The following MAGEB10 variants were observed in gnomAD, a reference collection of about 807,000 sequenced individuals.
MAGEB10 encodes MAGE family member B10.
For missense variants in MAGEB10, 190 were observed against 261.9 expected (o/e 0.73, Z 1.89); for synonymous variants, 99 against 101.0 (o/e 0.98, Z 0.12).
intron 1 of MAGEB10, among the ~76,000 whole-genome samples, chrX:27,815,150 C>T (rs1166223608): frequency 1.8e-5 from 2 of 111,726 alleles, no homozygotes; most frequent in African/African-American, 6.5e-5. Flanking sequence ...AGTCCTTGTG[C>T]CCAAATCTGG....
In MAGEB10 at chrX:27,822,346, A is replaced by G; in HGVS notation, c.1040A>G (p.Gln347Arg). Residue 347 changes from glutamine to arginine, a missense_variant, in exon 3 of 3, where the codon CAG becomes CGG. By Grantham distance (43) the Gln-to-Arg change is conservative. Transcript: ENST00000356790. Reference protein sequence around the residue: ...KVKSSKSSQLQ With the variant: ...KVKSSKSSQLR ...AAGTCCAGCAAGTCCTCCCAACTGCAGTAAAGTCTGAGGGAGATTCTTCAT... is the reference window on the plus strand; with the variant it reads ...AAGTCCAGCAAGTCCTCCCAACTGCGGTAAAGTCTGAGGGAGATTCTTCAT... 1 of 1,201,129 alleles carries G rather than the reference A, an allele frequency of 8.3e-7. No homozygotes were observed. Among genetic ancestry groups the G allele is most frequent in the African/African-American group, 1.7e-5 (1 of 57,547 alleles).
intron 2 of MAGEB10, among the ~76,000 whole-genome samples, chrX:27,820,028 T>C (rs1380987330): frequency 9.1e-6 from 1 of 109,504 alleles, no homozygotes; most frequent in Non-Finnish European, 1.9e-5. Context: ...AATTCCCTCT[T>C]TGGAAATTCA....
chrX:27,809,244 GC>G (rs1383319333), intron 1 of MAGEB10, among the ~76,000 whole-genome samples: 1 of 110,042 alleles, frequency 9.1e-6, no homozygotes, highest in East Asian at 3.0e-4. Context: ...CAGCTGGCAG[GC>G]CCCCCGGCCC....
intron 1 of MAGEB10, among the ~76,000 whole-genome samples, 153 bp downstream of exon 1, chrX:27,808,189 A>G (rs1223689934): frequency 8.9e-6 from 1 of 112,038 alleles, no homozygotes; most frequent in Non-Finnish European, 1.9e-5. Flanking sequence ...AGAGTCAGGG[A>G]AGTGATAGCA....
At chrX:27,811,194 A>T (rs77004668) in intron 1 of MAGEB10, among the ~76,000 whole-genome samples, 1 of 110,077 alleles carries the variant, frequency 9.1e-6, no homozygotes, top group Admixed American at 9.7e-5. Flanking sequence ...GGGAAGATAC[A>T]TCTGAGGCCT....
intron 1 of MAGEB10, among the ~76,000 whole-genome samples, chrX:27,808,341 A>T (rs1923586875): frequency 9.0e-6 from 1 of 111,569 alleles, no homozygotes; most frequent in South Asian, 3.8e-4. Flanking sequence ...CTAGAGGAGG[A>T]CTTAATATTA....
intron 1 of MAGEB10, chrX:27,811,824 A>C (rs1468325027): frequency 8.3e-6 from 1 of 120,791 alleles, no homozygotes; most frequent in Non-Finnish European, 1.9e-5. Context: ...TCTTTCCTTG[A>C]GGTCACTTCA....
intron 1 of MAGEB10, among the ~76,000 whole-genome samples, chrX:27,808,775 G>A (rs1923596676): frequency 8.9e-6 from 1 of 111,737 alleles, no homozygotes; most frequent in Non-Finnish European, 1.9e-5. Context: ...AGTCAATAAA[G>A]GGTGAGTTCC....
chrX:27,817,897 C>A (rs905682320), intron 2 of MAGEB10, among the ~76,000 whole-genome samples, 195 bp downstream of exon 2: 1 of 111,547 alleles, frequency 9.0e-6, no homozygotes, highest in Non-Finnish European at 1.9e-5. Context: ...GGCACTGGAA[C>A]AATTTCCAGA....
intron 1 of MAGEB10, 62 bp from the exon 2 acceptor site, chrX:27,817,492 T>C (rs1192841249): frequency 1.8e-5 from 2 of 110,936 alleles, no homozygotes; most frequent in Non-Finnish European, 3.8e-5. Context: ...CTGTGAGGGT[T>C]TTTTTGCTTT....
chrX:27,814,450 A>T (rs968938545), intron 1 of MAGEB10, among the ~76,000 whole-genome samples: 1 of 111,545 alleles, frequency 9.0e-6, no homozygotes, highest in African/African-American at 3.3e-5. Flanking sequence ...ATAAATAAGA[A>T]ATCCTCAAAT....
chrX:27,809,853 A>G (rs746058435), intron 1 of MAGEB10, among the ~76,000 whole-genome samples: 3 of 106,779 alleles, frequency 2.8e-5, no homozygotes, highest in African/African-American at 1.0e-4. Context: ...AAACACACCA[A>G]TCAGCACCCT....
chrX:27,809,971 G>A (rs747879545), intron 1 of MAGEB10, among the ~76,000 whole-genome samples: 1 of 110,253 alleles, frequency 9.1e-6, no homozygotes, highest in African/African-American at 3.3e-5. Context: ...AGCTAATCTA[G>A]TGGGGAGGTG....
chrX:27,820,874 A>T (rs1386020470), intron 2 of MAGEB10, among the ~76,000 whole-genome samples: 1 of 111,191 alleles, frequency 9.0e-6, no homozygotes, highest in African/African-American at 3.3e-5. Context: ...TTTCTCTACC[A>T]GGGTAGCAGG....
At chrX:27,809,383 C>CGCCAGCCCCCT (rs1193583873) in intron 1 of MAGEB10, among the ~76,000 whole-genome samples, 1 of 57,014 alleles carries the variant, frequency 1.8e-5, no homozygotes, top group African/African-American at 7.0e-5. Flanking sequence ...CTCCCACCCC[C>CGCCAGCCCCCT]CCAACCCCGC....
chrX:27,813,255 A>T (rs764350431), intron 1 of MAGEB10, among the ~76,000 whole-genome samples: 8 of 112,313 alleles, frequency 7.1e-5, no homozygotes, highest in South Asian at 3.7e-4. Context: ...ATATTTTTTT[A>T]AAAAAGCAGT....
intron 2 of MAGEB10, among the ~76,000 whole-genome samples, chrX:27,820,895 G>T (rs1160620445): frequency 9.0e-6 from 1 of 111,077 alleles, no homozygotes; most frequent in African/African-American, 3.3e-5. Flanking sequence ...GAAATGAGGG[G>T]ACTGAAATGA....
intron 1 of MAGEB10, among the ~76,000 whole-genome samples, chrX:27,814,128 G>A (rs1373100181): frequency 9.0e-6 from 1 of 111,609 alleles, no homozygotes; most frequent in Admixed American, 9.5e-5. Flanking sequence ...GAATGTGCAG[G>A]TTTGTTATAT....
chrX:27,810,501 A>T (rs1923657781), intron 1 of MAGEB10, among the ~76,000 whole-genome samples: 1 of 111,658 alleles, frequency 9.0e-6, no homozygotes. Context: ...TCCCATAAAG[A>T]TGGCGGCCTT....
Sources: gnomAD v4.1 joint callset for allele counts (sites outside exome capture counted in the v4.1 genomes callset) on GRCh38, gnomAD v4.1.1 for gene constraint, MANE v1.5 for transcripts, NCBI Gene and HGNC (gene_info 2026-07-23, HGNC 2026-07-21) for gene names.